Variants in KCNIP4 observed in about 807,000 individuals in gnomAD.
The protein encoded by KCNIP4 is Kv channel-interacting protein 4.
KCNIP4 carries 12 observed loss-of-function variants against 34.0 expected under a neutral mutation model. The ratio of observed to expected loss-of-function variants is 0.35; its 90% CI spans 0.23 to 0.57. KCNIP4 has a LOEUF of 0.57. Ranked by LOEUF, KCNIP4 falls within the 20% of genes least tolerant of loss-of-function variation. The pLI, the probability that KCNIP4 is intolerant of heterozygous loss-of-function variation, is 0.83. For missense variants in KCNIP4, 238 were observed against 311.7 expected (o/e 0.76, Z 1.78); for synonymous variants, 124 against 102.2 (o/e 1.21, Z -1.29).
intron 3 of KCNIP4, among the ~76,000 whole-genome samples, chr4:20,802,861 T>G (rs1023841949): frequency 6.6e-6 from 1 of 151,732 alleles, no homozygotes; most frequent in Non-Finnish European, 1.5e-5. Context: ...GACCACGAGG[T>G]CAGGAGGATC....
intron 1 of KCNIP4, among the ~76,000 whole-genome samples, chr4:21,426,179 A>C (rs1227799380): frequency 6.6e-6 from 1 of 152,262 alleles, no homozygotes; most frequent in African/African-American, 2.4e-5. Context: ...GAAAATAAAG[A>C]GGCACAAAAG....
chr4:21,140,976 T>C (rs1751906670), intron 1 of KCNIP4, among the ~76,000 whole-genome samples: 1 of 152,194 alleles, frequency 6.6e-6, no homozygotes, highest in African/African-American at 2.4e-5. Flanking sequence ...CAAGTATAAC[T>C]TGTACACACA....
In KCNIP4 at chr4:20,729,271, A is replaced by AACATCCTTGTTTT; in HGVS notation, c.*798_*810dup. ...TCCTGACCCTTTGCATATGTCTGTA[A>AACATCCTTGTTTT]ACATCCTTGTTTTGTTTGATGCCTT... On this transcript the variant is annotated 3_prime_UTR_variant, in exon 9 of 9. Transcript: ENST00000382152. 1.3e-5 allele frequency: 2 copies of AACATCCTTGTTTT among 152,214 alleles called. No individual in the cohort carries two copies. Among genetic ancestry groups the AACATCCTTGTTTT allele is most frequent in the Non-Finnish European group, 2.9e-5 (2 of 67,982 alleles). 9.4% of individuals were successfully genotyped at this position (152,214 alleles called of 1,614,324 possible). A position where few individuals can be genotyped will look rare whatever the true frequency, so the allele number is the denominator to read the frequency against.
At chr4:21,453,137 T>C (rs558072170) in intron 1 of KCNIP4, among the ~76,000 whole-genome samples, 40 of 152,070 alleles carry the variant, frequency 2.6e-4, no homozygotes, top group Admixed American at 1.9e-3. Context: ...AATGTGTGAG[T>C]CAGCTGTCTG....
At chr4:21,920,566 T>C (rs1367300565) in intron 1 of KCNIP4, among the ~76,000 whole-genome samples, 1 of 152,090 alleles carries the variant, frequency 6.6e-6, no homozygotes, top group Non-Finnish European at 1.5e-5. Context: ...TTCACCACTA[T>C]AGAGCTTATC....
intron 1 of KCNIP4, among the ~76,000 whole-genome samples, chr4:20,905,714 G>A (rs1727688514): frequency 6.6e-6 from 1 of 151,246 alleles, no homozygotes; most frequent in Non-Finnish European, 1.5e-5. Flanking sequence ...TAGAGATGGG[G>A]TTTCACTGTA....
intron 1 of KCNIP4, among the ~76,000 whole-genome samples, chr4:21,073,824 T>C (rs2109004340): frequency 6.6e-6 from 1 of 152,288 alleles, no homozygotes; most frequent in Non-Finnish European, 1.5e-5. Context: ...AATACCTAAT[T>C]TATTGAGAGT....
intron 1 of KCNIP4, among the ~76,000 whole-genome samples, chr4:21,273,672 T>C (rs1354846887): frequency 2.0e-5 from 3 of 152,210 alleles, no homozygotes; most frequent in Admixed American, 6.5e-5. Flanking sequence ...TCTCTCCAAA[T>C]TGCAGAGCTT....
intron 1 of KCNIP4, among the ~76,000 whole-genome samples, chr4:21,534,884 C>A (rs1737019357): frequency 1.3e-5 from 2 of 152,250 alleles, no homozygotes; most frequent in Non-Finnish European, 1.5e-5. Flanking sequence ...GTCAGCTTCA[C>A]ATCGTAGGGC....
chr4:21,910,801 G>A (rs991932555), intron 1 of KCNIP4, among the ~76,000 whole-genome samples: 1 of 152,080 alleles, frequency 6.6e-6, no homozygotes, highest in Admixed American at 6.6e-5. Flanking sequence ...AAAGTCACAC[G>A]AACTATTATT....
chr4:21,219,644 T>C (rs988518816), intron 1 of KCNIP4, among the ~76,000 whole-genome samples: 2 of 152,072 alleles, frequency 1.3e-5, no homozygotes, highest in South Asian at 2.1e-4. Flanking sequence ...CACGATTAAA[T>C]TGTAAGGAGA....
At position 21,744,516 on chromosome 4, in the gene KCNIP4, G is replaced by A. The variant is rs954744924; in HGVS notation, c.61+204055C>T. Among the ~76,000 whole-genome samples, 13 of 152,254 alleles carry A rather than the reference G, an allele frequency of 8.5e-5. No homozygotes were observed. The East Asian group carries it at 2.5e-3, about 29-fold the overall frequency. On this transcript the variant is annotated intron_variant, in intron 1 of 8. Transcript: ENST00000382152. The stretch of plus-strand genomic sequence containing the variant: ...CCAGGAAAAAGTTTACAGTCTGATA[G>A]AGCTATCCCACTTGCTCAAATATTT...
chr4:21,062,530 ATGTGTGTGTG>A (rs3080754), intron 1 of KCNIP4, among the ~76,000 whole-genome samples: 3 of 149,200 alleles, frequency 2.0e-5, no homozygotes, highest in Non-Finnish European at 4.5e-5. Flanking sequence ...GTGTGTGTGC[ATGTGTGTGTG>A]TGTGTGTGTG....
chr4:21,118,631 C>T (rs1222845442), intron 1 of KCNIP4, among the ~76,000 whole-genome samples: 2 of 152,058 alleles, frequency 1.3e-5, no homozygotes, highest in African/African-American at 2.4e-5. Flanking sequence ...TTTAAATTGC[C>T]TTTGTTTATT....
At chr4:21,661,620 T>A (rs1464151047) in intron 1 of KCNIP4, among the ~76,000 whole-genome samples, 2 of 152,150 alleles carry the variant, frequency 1.3e-5, no homozygotes, top group Non-Finnish European at 2.9e-5. Flanking sequence ...ATCTTACCTA[T>A]GAGAACACTG....
rs116560697 is a variant in KCNIP4 at position 20,954,492 on chromosome 4, G to A, written c.62-71783C>T. On this transcript the variant is annotated intron_variant, in intron 1 of 8. Transcript: ENST00000382152. ...TGATTAAAATCACAAATAATTTATA[G>A]TTCACCTTAGTCAAGAAGGTATAAT... Among the ~76,000 whole-genome samples the A allele has an allele frequency of 5.8e-3, 880 of 152,190 alleles. 6 individuals carry two copies. The highest frequency in any genetic ancestry group is 0.02 in the African/African-American group (814 of 41,508).
chr4:21,423,792 C>T (rs557048909), intron 1 of KCNIP4, among the ~76,000 whole-genome samples: 1 of 151,274 alleles, frequency 6.6e-6, no homozygotes, highest in Non-Finnish European at 1.5e-5. Context: ...ATATTTGAGC[C>T]ATATGACTTA....
chr4:21,609,290 C>T (rs1367211182), intron 1 of KCNIP4, among the ~76,000 whole-genome samples: 2 of 152,082 alleles, frequency 1.3e-5, no homozygotes, highest in Non-Finnish European at 2.9e-5. Flanking sequence ...TTGAATAAGG[C>T]ATACTGATAT....
chr4:21,031,526 G>A (rs894203552), intron 1 of KCNIP4, among the ~76,000 whole-genome samples: 2 of 152,130 alleles, frequency 1.3e-5, no homozygotes, highest in Non-Finnish European at 2.9e-5. Flanking sequence ...CTGTTATACT[G>A]TGACATTCTG....
Sources: allele counts gnomAD v4.1 joint callset (sites outside exome capture counted in the v4.1 genomes callset), GRCh38; gene constraint gnomAD v4.1.1; transcripts MANE v1.5; gene names NCBI Gene and HGNC (gene_info 2026-07-23, HGNC 2026-07-21).